Variants in DESI2 observed in about 807,000 individuals in gnomAD.
DESI2 encodes the protein deubiquitinase DESI2.
A neutral mutation model predicts 24.1 loss-of-function variants in DESI2; 10 were observed. The observed-to-expected ratio is 0.41, with a 90% CI of 0.26 to 0.70. The LOEUF (loss-of-function observed/expected upper bound fraction) is 0.70. Among genes scored for constraint, DESI2 ranks in the 30% least tolerant of loss-of-function variants. The pLI is 0.29. For missense variants in DESI2, 122 were observed against 234.9 expected, an observed-to-expected ratio of 0.52 and a Z score of 3.14; for synonymous variants, 71 against 87.7, an observed-to-expected ratio of 0.81 and a Z score of 1.06.
chr1:244,685,960 A>T (rs1676802623), intron 1 of DESI2, among the ~76,000 whole-genome samples: 1 of 152,102 alleles, frequency 6.6e-6, no homozygotes, highest in African/African-American at 2.4e-5. Context: ...CCCATGGCCC[A>T]GTTTTCTTAC....
In DESI2 at chr1:244,653,148, C is replaced by T. The variant is rs1675514315; in HGVS notation, c.-166C>T. The T allele has an allele frequency of 9.9e-6, 6 of 607,482 alleles. No individual in the cohort carries two copies. Among genetic ancestry groups the T allele is most frequent in the African/African-American group, 5.8e-5 (3 of 51,754 alleles). The allele number at this position is 607,482 out of a possible 1,614,324, so 37.6% of individuals were successfully genotyped here. ...CACAGACGCTCCTGTCGGCGGCGCC[C>T]GGGAGCGGCTCGGCTGCCCGATGCT... On this transcript the variant is annotated 5_prime_UTR_variant, in exon 1 of 5. Transcript: ENST00000302550.
At chr1:244,683,872 T>G (rs557224597) in intron 1 of DESI2, among the ~76,000 whole-genome samples, 1 of 77,642 alleles carries the variant, frequency 1.3e-5, no homozygotes, top group African/African-American at 4.9e-5. Flanking sequence ...ACCTGGCTAA[T>G]TTTTTTTTTT....
chr1:244,695,046 A>T (rs948979711), intron 4 of DESI2, among the ~76,000 whole-genome samples: 3 of 152,224 alleles, frequency 2.0e-5, no homozygotes, highest in African/African-American at 7.2e-5. Context: ...TGTGAGTGTC[A>T]TAGGGATGTA....
intron 1 of DESI2, among the ~76,000 whole-genome samples, chr1:244,665,660 T>G (rs1434917084): frequency 2.0e-5 from 3 of 152,206 alleles, no homozygotes; most frequent in African/African-American, 7.2e-5. Context: ...GAAATTACCC[T>G]TCAAAATATG....
chr1:244,672,425 CAG>C (rs576190967), intron 1 of DESI2, among the ~76,000 whole-genome samples: 1 of 152,202 alleles, frequency 6.6e-6, no homozygotes, highest in African/African-American at 2.4e-5. Flanking sequence ...TCGCCAAAAA[CAG>C]ATGCTGGAGC....
rs533199921 is a variant in DESI2, at chr1:244,673,769, T to C, written c.43-12828T>C. 5.3e-5 allele frequency among the ~76,000 whole-genome samples: 8 copies of C among 152,324 alleles called. No homozygotes were observed. The South Asian group carries it at 1.7e-3, about 32-fold the overall frequency. On this transcript the variant is annotated intron_variant, in intron 1 of 4. Coordinates refer to ENST00000302550, the MANE Select transcript of DESI2 (RefSeq NM_016076.5). ...ATAAAAACAGGGAAATGGAAACTTT[T>C]TGTGAATTTCTTGGTTCACATTTTG...
intron 1 of DESI2, among the ~76,000 whole-genome samples, chr1:244,668,834 A>G (rs563156704): frequency 6.6e-6 from 1 of 152,338 alleles, no homozygotes; most frequent in South Asian, 2.1e-4. Flanking sequence ...ATGAATGAAA[A>G]TATTTAGGCC....
rs1010710436 is a variant in DESI2, at chr1:244,707,422, C to G, written c.*1633C>G. 1 of 152,544 alleles carries G rather than the reference C, an allele frequency of 6.6e-6. No homozygotes were observed. Among genetic ancestry groups the G allele is most frequent in the Non-Finnish European group, 1.5e-5 (1 of 68,032 alleles). 9.4% of individuals were successfully genotyped at this position (152,544 alleles called of 1,614,324 possible). A position where few individuals can be genotyped will look rare whatever the true frequency, so the allele number is the denominator to read the frequency against. ...ACTGTTCTGTTTCCAGAGAGGAAAGCCTTTACAAATTACTCTCAGTTCTTT... is the reference window on the plus strand; with the variant it reads ...ACTGTTCTGTTTCCAGAGAGGAAAGGCTTTACAAATTACTCTCAGTTCTTT... On this transcript the variant is annotated 3_prime_UTR_variant, in exon 5 of 5. Transcript: ENST00000302550.
intron 1 of DESI2, among the ~76,000 whole-genome samples, chr1:244,666,221 C>A (rs1676040486): frequency 6.6e-6 from 1 of 152,166 alleles, no homozygotes; most frequent in African/African-American, 2.4e-5. Context: ...TCTCATCCTT[C>A]CACCACCACT....
At position 244,663,981 on chromosome 1, in the gene DESI2, G is replaced by A. The variant is rs535046432; in HGVS notation, c.42+10626G>A. On this transcript the variant is annotated intron_variant, in intron 1 of 4. Transcript: ENST00000302550. The stretch of plus-strand genomic sequence containing the variant: ...TGCAGTGAGCCGAGATTGCGCCACT[G>A]CACGCCAGCCTGGGCGACAGAGTGA... Among the ~76,000 whole-genome samples the A allele has an allele frequency of 1.7e-4, 24 of 137,404 alleles. No homozygotes were observed. The East Asian group carries it at 5.2e-3, about 30-fold the overall frequency. 90.1% of individuals were successfully genotyped at this position (137,404 alleles called of 152,430 possible). A position where few individuals can be genotyped will look rare whatever the true frequency, so the allele number is the denominator to read the frequency against.
chr1:244,658,172 T>C (rs1275787137), intron 1 of DESI2, among the ~76,000 whole-genome samples: 3 of 152,202 alleles, frequency 2.0e-5, no homozygotes, highest in Non-Finnish European at 4.4e-5. Flanking sequence ...TTTTAATCCT[T>C]CCTCCATTCT....
At chr1:244,662,152 A>G (rs888128985) in intron 1 of DESI2, among the ~76,000 whole-genome samples, 6 of 152,294 alleles carry the variant, frequency 3.9e-5, no homozygotes, top group Admixed American at 6.5e-5. Context: ...CATTTCTCTG[A>G]TGGCCAGTGA....
chr1:244,699,558 G>C (rs1241027483), intron 4 of DESI2, among the ~76,000 whole-genome samples: 2 of 110,348 alleles, frequency 1.8e-5, no homozygotes, highest in Non-Finnish European at 3.4e-5. Context: ...CTCCAGCCTA[G>C]CAACAGAGTG....
At chr1:244,658,988 A>G (rs570393735) in intron 1 of DESI2, among the ~76,000 whole-genome samples, 68 of 152,184 alleles carry the variant, frequency 4.5e-4, no homozygotes, top group Admixed American at 2.4e-3. Context: ...GAATTTTAAC[A>G]TAAATTAACT....
intron 4 of DESI2, among the ~76,000 whole-genome samples, chr1:244,700,282 GT>G (rs756087612): frequency 6.6e-6 from 1 of 151,986 alleles, no homozygotes; most frequent in African/African-American, 2.4e-5. Context: ...TCTCTAAGTG[GT>G]TTTTTCTCCC....
intron 4 of DESI2, among the ~76,000 whole-genome samples, chr1:244,700,220 C>T (rs1677394044): frequency 6.6e-6 from 1 of 152,182 alleles, no homozygotes; most frequent in African/African-American, 2.4e-5. Context: ...ATCATCAAAC[C>T]TCGAGGTGGA....
intron 4 of DESI2, among the ~76,000 whole-genome samples, chr1:244,701,205 C>T (rs1227999463): frequency 5.7e-5 from 4 of 69,880 alleles, no homozygotes; most frequent in East Asian, 5.2e-4. Flanking sequence ...ACTGGACCAC[C>T]TTCCCCTCCA....
At chr1:244,703,950 C>T (rs886198382) in intron 4 of DESI2, among the ~76,000 whole-genome samples, 12 of 152,186 alleles carry the variant, frequency 7.9e-5, no homozygotes, top group African/African-American at 2.4e-4. Flanking sequence ...TGAGCCACCG[C>T]GCTGGGCCGA....
intron 1 of DESI2, among the ~76,000 whole-genome samples, chr1:244,659,970 A>G (rs1040007472): frequency 2.0e-5 from 3 of 152,210 alleles, no homozygotes; most frequent in Admixed American, 2.0e-4. Context: ...GTAGGGTCCA[A>G]GCGTATTGGT....
Sources: allele counts gnomAD v4.1 joint callset (sites outside exome capture counted in the v4.1 genomes callset), GRCh38; gene constraint gnomAD v4.1.1; transcripts MANE v1.5; gene names NCBI Gene and HGNC (gene_info 2026-07-23, HGNC 2026-07-21).